The following MAF variants were observed in gnomAD, a reference collection of about 807,000 sequenced individuals.
MAF encodes the protein MAF bZIP transcription factor, also known as transcription factor Maf.
Under a neutral mutation model 22.0 loss-of-function variants are expected in MAF, and 10 were observed. That is an observed-to-expected ratio of 0.45 (90% CI 0.28 to 0.77). The LOEUF is 0.77. Ranked by LOEUF, MAF falls within the 30% of genes least tolerant of loss-of-function variation. The probability of loss-of-function intolerance (pLI) is 0.12; values close to 1 mark genes in which losing one functional copy is unlikely to be tolerated. For missense variants in MAF, 544 were observed against 548.4 expected, an observed-to-expected ratio of 0.99 and a Z score of 0.08; for synonymous variants, 337 against 255.8, an observed-to-expected ratio of 1.32 and a Z score of -3.03.
chr16:79,461,726 G>C, the MAF span, among the ~76,000 whole-genome samples: 2 of 152,184 alleles, frequency 1.3e-5, no homozygotes, highest in Admixed American at 1.3e-4. Flanking sequence ...TGTTTGGAGA[G>C]AGGAGAGAGA....
At chr16:79,502,714 T>TATAC in the MAF span, among the ~76,000 whole-genome samples, 2 of 12,994 alleles carry the variant, frequency 1.5e-4, no homozygotes, top group Non-Finnish European at 3.1e-4. Flanking sequence ...TATAAATATA[T>TATAC]ATATATATAT....
the MAF span, among the ~76,000 whole-genome samples, chr16:79,323,155 A>C: frequency 5.5e-4 from 46 of 83,916 alleles, no homozygotes; most frequent in African/African-American, 2.1e-3. Flanking sequence ...TCTAAAAAAA[A>C]AAAAAAAAAA....
chr16:79,547,667 A>G, the MAF span, among the ~76,000 whole-genome samples: 4 of 152,198 alleles, frequency 2.6e-5, no homozygotes, highest in African/African-American at 4.8e-5. Flanking sequence ...AAAGATTAAG[A>G]TTCATTAGGT....
chr16:79,582,023 G>A (rs1912551838), downstream of MAF, among the ~76,000 whole-genome samples: 1 of 152,226 alleles, frequency 6.6e-6, no homozygotes, highest in Middle Eastern at 3.4e-3. Context: ...AGAAAACAGA[G>A]GCGTGCTGAA....
chr16:79,454,030 A>G, the MAF span, among the ~76,000 whole-genome samples: 1 of 152,218 alleles, frequency 6.6e-6, no homozygotes, highest in Non-Finnish European at 1.5e-5. Flanking sequence ...TTGAGATTCT[A>G]CAACTGGCCA....
the MAF span, among the ~76,000 whole-genome samples, chr16:79,267,688 C>T: frequency 6.6e-6 from 1 of 152,266 alleles, no homozygotes. Context: ...GCCTCTACCT[C>T]CTCTTCTATG....
the MAF span, among the ~76,000 whole-genome samples, chr16:79,428,240 G>A: frequency 6.6e-6 from 1 of 152,036 alleles, no homozygotes; most frequent in Non-Finnish European, 1.5e-5. Context: ...TAAAGATGTA[G>A]GGGGGTTCCC....
the MAF span, among the ~76,000 whole-genome samples, chr16:79,438,870 C>T: frequency 4.6e-5 from 7 of 152,288 alleles, no homozygotes; most frequent in African/African-American, 1.7e-4. Flanking sequence ...CCACACTTCA[C>T]AGACACCACT....
At chr16:79,233,629 G>A in the MAF span, among the ~76,000 whole-genome samples, 1 of 152,026 alleles carries the variant, frequency 6.6e-6, no homozygotes, top group Non-Finnish European at 1.5e-5. Context: ...GGGAGGTGAT[G>A]GGATACCGTT....
At chr16:79,387,946 T>C in the MAF span, among the ~76,000 whole-genome samples, 1 of 152,192 alleles carries the variant, frequency 6.6e-6, no homozygotes, top group East Asian at 1.9e-4. Flanking sequence ...CATAGTAGGT[T>C]GTGAATAAAT....
At chr16:79,279,415 C>A in the MAF span, among the ~76,000 whole-genome samples, 1 of 152,290 alleles carries the variant, frequency 6.6e-6, no homozygotes, top group East Asian at 1.9e-4. Flanking sequence ...GTTAGTGGCT[C>A]TGAGTTTCAT....
chr16:79,447,350 A>T, the MAF span, among the ~76,000 whole-genome samples: 1 of 150,330 alleles, frequency 6.7e-6, no homozygotes, highest in Admixed American at 6.6e-5. Context: ...AAAAAAAAAG[A>T]TTCCTTTCAA....
chr16:79,259,996 G>C, the MAF span, among the ~76,000 whole-genome samples: 1 of 152,182 alleles, frequency 6.6e-6, no homozygotes, highest in Non-Finnish European at 1.5e-5. Flanking sequence ...AGTGCATAGT[G>C]GGACTACCTG....
At chr16:79,413,114 C>G in the MAF span, among the ~76,000 whole-genome samples, 1 of 152,012 alleles carries the variant, frequency 6.6e-6, no homozygotes, top group Non-Finnish European at 1.5e-5. Flanking sequence ...TACATACTCC[C>G]CAGGACAAGT....
the MAF span, among the ~76,000 whole-genome samples, chr16:79,407,234 A>G: frequency 6.6e-6 from 1 of 152,190 alleles, no homozygotes; most frequent in African/African-American, 2.4e-5. Flanking sequence ...CGCGTTGCGC[A>G]AGGAGTGCCA....
chr16:79,400,479 T>C, the MAF span, among the ~76,000 whole-genome samples: 1 of 152,380 alleles, frequency 6.6e-6, no homozygotes, highest in Admixed American at 6.5e-5. Flanking sequence ...GTGCCTGGCC[T>C]GGTTAAGTAC....
chr16:79,436,565 C>T, the MAF span, among the ~76,000 whole-genome samples: 8 of 152,144 alleles, frequency 5.3e-5, no homozygotes, highest in Admixed American at 5.2e-4. Flanking sequence ...TATTTTTACA[C>T]CAAAGGGTTA....
At chr16:79,259,504 T>G in the MAF span, among the ~76,000 whole-genome samples, 1 of 152,148 alleles carries the variant, frequency 6.6e-6, no homozygotes, top group Non-Finnish European at 1.5e-5. Context: ...TCCATGACAC[T>G]AAGTGCTTGT....
At chr16:79,278,288 G>C in the MAF span, among the ~76,000 whole-genome samples, 2 of 152,186 alleles carry the variant, frequency 1.3e-5, no homozygotes, top group East Asian at 1.9e-4. Flanking sequence ...ATCTTTAGTT[G>C]CATGTTCCTG....
Sources: allele counts gnomAD v4.1 joint callset (sites outside exome capture counted in the v4.1 genomes callset), GRCh38; gene constraint gnomAD v4.1.1; transcripts MANE v1.5; gene names NCBI Gene and HGNC (gene_info 2026-07-23, HGNC 2026-07-21).